Variants in NUCB2 observed in about 807,000 individuals in gnomAD.
NUCB2 encodes the protein nucleobindin 2.
A neutral mutation model predicts 57.9 loss-of-function variants in NUCB2; 48 were observed. The observed-to-expected ratio is 0.83, with a 90% CI of 0.66 to 1.05. NUCB2 has a LOEUF of 1.05. Among genes scored for constraint, NUCB2 ranks in the 50% least tolerant of loss-of-function variants. The pLI, the probability that NUCB2 is intolerant of heterozygous loss-of-function variation, is 0.00. For missense variants in NUCB2, 442 were observed against 476.2 expected (o/e 0.93, Z 0.67); for synonymous variants, 139 against 152.1 (o/e 0.91, Z 0.64).
At chr11:17,301,616 A>G (rs2138622665) in intron 4 of NUCB2, 128 bp from the exon 5 acceptor site, 1 of 582,338 alleles carries the variant, frequency 1.7e-6, no homozygotes, top group African/African-American at 1.9e-5. Context: ...TCTTTTTATA[A>G]TATTAAATTT....
chr11:17,325,291 C>T (rs1950534188), intron 11 of NUCB2, among the ~76,000 whole-genome samples: 2 of 152,202 alleles, frequency 1.3e-5, no homozygotes. Flanking sequence ...GTGTTGAAAT[C>T]TTCAGCTATT....
At chr11:17,345,066 A>G (rs1359417835) in intron 2 of NUCB2, among the ~76,000 whole-genome samples, 1 of 152,212 alleles carries the variant, frequency 6.6e-6, no homozygotes, top group African/African-American at 2.4e-5. Flanking sequence ...CTGTGTACCA[A>G]TTTGTATAGC....
At chr11:17,304,356 G>A (rs1003541594) in intron 5 of NUCB2, among the ~76,000 whole-genome samples, 4 of 151,828 alleles carry the variant, frequency 2.6e-5, no homozygotes, top group Admixed American at 1.3e-4. Context: ...CACCACTCCC[G>A]GCTAATTTTT....
At position 17,326,421 on chromosome 11, in the gene NUCB2, G is replaced by A. The variant is rs548140756; in HGVS notation, c.1003-3706G>A. Reference sequence around the variant, plus strand: ...CAACCTCTGCCTCCTGGGTTCAAGCGATTCTCCTGCCTCCCCCTCCCGAGT... The same window carrying A: ...CAACCTCTGCCTCCTGGGTTCAAGCAATTCTCCTGCCTCCCCCTCCCGAGT... On this transcript the variant is annotated intron_variant, in intron 11 of 13. Transcript: ENST00000529010. Among the ~76,000 whole-genome samples the A allele has an allele frequency of 3.4e-5, 5 of 148,334 alleles. No individual in the cohort carries two copies. In the South Asian group the frequency reaches 1.1e-3, roughly 32 times the overall value.
Position 17,288,957 on chromosome 11 carries a change from A to ATT in NUCB2, c.-1+6015_-1+6016insTT, listed in dbSNP as rs1314774026. On this transcript the variant is annotated intron_variant, in intron 2 of 13. Transcript: ENST00000529010. ...CACACACACACACACACACATATAT[A>ATT]TATATATTTTTTTTTTTTGAGATGG... is the stretch of plus-strand genomic sequence containing the variant. Among the ~76,000 whole-genome samples the ATT allele has an allele frequency of 1.5e-4, 12 of 80,356 alleles. 2 individuals carry two copies. The highest frequency in any genetic ancestry group is 1.2e-3 in the East Asian group (2 of 1,736). 52.7% of individuals were successfully genotyped at this position (80,356 alleles called of 152,430 possible). A position where few individuals can be genotyped will look rare whatever the true frequency, so the allele number is the denominator to read the frequency against.
chr11:17,341,514 T>C (rs564758712), intron 2 of NUCB2, among the ~76,000 whole-genome samples: 1 of 152,258 alleles, frequency 6.6e-6, no homozygotes, highest in South Asian at 2.1e-4. Flanking sequence ...TATTGAGAGT[T>C]TTTAGCATGA....
At chr11:17,278,826 G>A (rs1284331762) in intron 1 of NUCB2, among the ~76,000 whole-genome samples, 3 of 152,158 alleles carry the variant, frequency 2.0e-5, no homozygotes, top group Non-Finnish European at 2.9e-5. Flanking sequence ...TTTGAAGGCT[G>A]GGTTCTACAA....
At chr11:17,342,488 G>A (rs1369475103) in intron 2 of NUCB2, among the ~76,000 whole-genome samples, 4 of 151,464 alleles carry the variant, frequency 2.6e-5, no homozygotes, top group African/African-American at 7.3e-5. Context: ...CTTTGAATGC[G>A]TCCCAGAGAT....
In NUCB2 at chr11:17,311,280, C is replaced by A; in HGVS notation, c.757C>A (p.His253Asn). 1 of 1,585,590 alleles carries A rather than the reference C, an allele frequency of 6.3e-7. No individual in the cohort carries two copies. The highest frequency in any genetic ancestry group is 2.2e-5 in the East Asian group (1 of 44,610). The change falls in exon 8 of 14, where the codon CAT (histidine) becomes AAT (asparagine). Residue 253 changes from histidine (H) to asparagine (N), a missense_variant. His to Asn is a moderately conservative substitution (Grantham distance 68). Coordinates refer to ENST00000529010, the MANE Select transcript of NUCB2 (RefSeq NM_005013.4). ...TGACCCCAAGACATTTTTCAAATTACATGGTAACGATTTGATACAAATATT... is the reference window on the plus strand; with the variant it reads ...TGACCCCAAGACATTTTTCAAATTAAATGGTAACGATTTGATACAAATATT... ...DFDPKTFFKL[H>N]DVNSDGFLDE...
intron 2 of NUCB2, among the ~76,000 whole-genome samples, chr11:17,294,822 C>T (rs544775989): frequency 3.9e-5 from 6 of 152,022 alleles, no homozygotes; most frequent in South Asian, 2.1e-4. Flanking sequence ...CCAAGGCGGG[C>T]GGATCACCTG....
chr11:17,290,994 AC>A (rs1476212181), intron 2 of NUCB2, among the ~76,000 whole-genome samples: 2 of 152,138 alleles, frequency 1.3e-5, no homozygotes, highest in Non-Finnish European at 2.9e-5. Flanking sequence ...AGGTTATGCA[AC>A]CATCTCAACG....
intron 5 of NUCB2, among the ~76,000 whole-genome samples, chr11:17,304,878 A>G (rs2138722414): frequency 6.6e-6 from 1 of 152,380 alleles, no homozygotes; most frequent in South Asian, 2.1e-4. Flanking sequence ...ATAAGTGGGA[A>G]GACACAATAA....
At chr11:17,288,946 C>T (rs868057498) in intron 2 of NUCB2, among the ~76,000 whole-genome samples, 2 of 64,758 alleles carry the variant, frequency 3.1e-5, no homozygotes, top group African/African-American at 1.1e-4. Context: ...CACACACACA[C>T]ACACATATAT....
At chr11:17,308,000 T>G (rs1401670862) in intron 5 of NUCB2, among the ~76,000 whole-genome samples, 1 of 152,100 alleles carries the variant, frequency 6.6e-6, no homozygotes, top group Non-Finnish European at 1.5e-5. Context: ...TTGAGTGAGG[T>G]TAAGGGTCTT....
intron 4 of NUCB2, among the ~76,000 whole-genome samples, chr11:17,298,746 T>TG (rs1413721531): frequency 1.4e-4 from 21 of 152,090 alleles, no homozygotes; most frequent in Admixed American, 1.4e-3. Flanking sequence ...TCACCCAGGC[T>TG]GGAGTACAGT....
intron 11 of NUCB2, among the ~76,000 whole-genome samples, chr11:17,319,029 A>T (rs7113434): frequency 0.012 from 1,824 of 152,266 alleles, 21 homozygotes; most frequent in African/African-American, 0.033. Context: ...AAATTTTTTT[A>T]AAATACTTTG....
rs532621567 is a variant in NUCB2, at chr11:17,330,511, C to A, written c.1173+214C>A. On this transcript the variant is annotated intron_variant, in intron 12 of 13. Coordinates refer to ENST00000529010, the MANE Select transcript of NUCB2 (RefSeq NM_005013.4). This position sits in a 1 kb window ranked among gnomAD's most constrained non-coding sequence, Gnocchi z 4.3. ...TTTTATTTTGAGACAGCCTGTCTCCCAGGCTGGAGTATAGTGCTGTGATCA... is the reference window on the plus strand; with the variant it reads ...TTTTATTTTGAGACAGCCTGTCTCCAAGGCTGGAGTATAGTGCTGTGATCA... 4.9e-4 allele frequency among the ~76,000 whole-genome samples: 75 copies of A among 152,166 alleles called. No homozygotes were observed. The highest frequency in any genetic ancestry group is 1.8e-3 in the African/African-American group (73 of 41,510).
chr11:17,345,974 G>C (rs118070491), intron 2 of NUCB2, among the ~76,000 whole-genome samples: 8,825 of 151,792 alleles, frequency 0.058, 283 homozygotes, highest in Middle Eastern at 0.099. Context: ...AATATTTTTT[G>C]GAAAATATTG....
chr11:17,309,067 A>G (rs545901399), intron 5 of NUCB2, among the ~76,000 whole-genome samples: 64 of 152,296 alleles, frequency 4.2e-4, no homozygotes, highest in Non-Finnish European at 5.0e-4. Flanking sequence ...TAACCCCAGC[A>G]CTTTGAGAGG....
Sources: allele counts gnomAD v4.1 joint callset (sites outside exome capture counted in the v4.1 genomes callset), GRCh38; gene constraint gnomAD v4.1.1; non-coding constraint Gnocchi (gnomAD v3.1); transcripts MANE v1.5; gene names NCBI Gene and HGNC (gene_info 2026-07-23, HGNC 2026-07-21).